Variants in EMCN observed in about 807,000 individuals in gnomAD.
EMCN encodes the protein endomucin.
A neutral mutation model predicts 38.4 loss-of-function variants in EMCN; 37 were observed. That is an observed-to-expected ratio of 0.96 (90% CI 0.74 to 1.27). The LOEUF is 1.27. Ranked by LOEUF, EMCN falls within the 50% of genes most tolerant of loss-of-function variation. The probability of loss-of-function intolerance (pLI) is 0.00; values close to 1 mark genes in which losing one functional copy is unlikely to be tolerated. For missense variants in EMCN, 318 were observed against 302.8 expected, an observed-to-expected ratio of 1.05 and a Z score of -0.37; for synonymous variants, 95 against 100.8, an observed-to-expected ratio of 0.94 and a Z score of 0.35.
At chr4:100,488,982 C>T (rs1054072178) in intron 1 of EMCN, among the ~76,000 whole-genome samples, 3 of 152,078 alleles carry the variant, frequency 2.0e-5, no homozygotes, top group African/African-American at 7.2e-5. Flanking sequence ...GCACATATAA[C>T]AATAATTACT....
In EMCN at chr4:100,406,350, A is replaced by AT. The variant is rs533327725; in HGVS notation, c.*39+3931dup. Among the ~76,000 whole-genome samples the AT allele has an allele frequency of 5.5e-3, 840 of 151,974 alleles. 7 individuals are homozygous for AT. Among genetic ancestry groups the AT allele is most frequent in the Non-Finnish European group, 9.3e-3 (632 of 67,900 alleles). ...AGATTGTCAATTTGAGATCTTTCTG[A>AT]TTTTTTGATGTGGGCATTTAGTGCT... On this transcript the variant is annotated intron_variant, in intron 11 of 11. Transcript: ENST00000296420.
intron 11 of EMCN, among the ~76,000 whole-genome samples, chr4:100,405,333 C>T (rs377473264): frequency 2.0e-5 from 3 of 151,876 alleles, no homozygotes; most frequent in African/African-American, 7.2e-5. Flanking sequence ...CCCATTCAGT[C>T]TGATGTTGGT....
intron 3 of EMCN, among the ~76,000 whole-genome samples, chr4:100,468,856 C>A (rs1728395614): frequency 6.6e-6 from 1 of 151,648 alleles, no homozygotes; most frequent in Non-Finnish European, 1.5e-5. Context: ...TATCAAAATT[C>A]ACATGTTATT....
chr4:100,475,274 T>A (rs1287499576), intron 2 of EMCN, among the ~76,000 whole-genome samples, 165 bp from the exon 3 acceptor site: 1 of 148,298 alleles, frequency 6.7e-6, no homozygotes, highest in African/African-American at 2.5e-5. Context: ...GTATATTAAA[T>A]ATATGTATAT....
In EMCN at chr4:100,410,329, T is replaced by C. The variant is rs767987594; in HGVS notation, c.778A>G (p.Lys260Glu). ...SGEHSAQGKT[K>E]N ...GAGAATTCCTCAAGCTGTCAGTTCT[T>C]GGTTTTTCCTTGTGCAGAGTGCTCA... Residue 260 changes from lysine (K) to glutamate (E), a missense_variant, in exon 11 of 12, where the codon AAG becomes GAG. Transcript: ENST00000296420. The C allele has an allele frequency of 8.1e-6, 13 of 1,613,884 alleles. No individual in the cohort carries two copies. The highest frequency in any genetic ancestry group is 1.1e-5 in the South Asian group (1 of 91,080).
At chr4:100,459,016 G>GA (rs144926152) in intron 4 of EMCN, among the ~76,000 whole-genome samples, 7,059 of 150,944 alleles carry the variant, frequency 0.047, 569 homozygotes, top group African/African-American at 0.16. Context: ...AAATCCACAT[G>GA]AAAAAAAAAT....
At chr4:100,512,134 C>A (rs1010402789) in intron 1 of EMCN, among the ~76,000 whole-genome samples, 20 of 152,140 alleles carry the variant, frequency 1.3e-4, no homozygotes, top group Admixed American at 8.5e-4. Context: ...CTGGAGTAAA[C>A]GTGGCCAGAG....
Position 100,423,076 on chromosome 4 carries a change from T to C in EMCN, c.513A>G (p.Ile171Met), listed in dbSNP as rs768342617. Residue 171 changes from isoleucine to methionine, a missense_variant, in exon 7 of 12, where the codon ATA (isoleucine) becomes ATG (methionine). Transcript: ENST00000296420. The part of the protein sequence containing the change: ...IPENTSQSQV[I>M]GTEGGKNAST... Reference sequence around the variant, plus strand: ...TTGCATTTTTTCCACCCTCAGTGCCTATTACTTTAAGAAAGAAAAAAACAA... The same window carrying C: ...TTGCATTTTTTCCACCCTCAGTGCCCATTACTTTAAGAAAGAAAAAAACAA... 2 of 1,612,952 alleles carry C rather than the reference T, an allele frequency of 1.2e-6. No individual in the cohort carries two copies. The highest frequency in any genetic ancestry group is 2.7e-5 in the African/African-American group (2 of 74,866).
chr4:100,517,033 A>G (rs1258837025), intron 1 of EMCN, among the ~76,000 whole-genome samples: 1 of 152,034 alleles, frequency 6.6e-6, no homozygotes, highest in African/African-American at 2.4e-5. Context: ...ACTTGTTTTT[A>G]TATTCCTTGC....
intron 3 of EMCN, among the ~76,000 whole-genome samples, chr4:100,472,919 TATAG>T (rs142505285): frequency 0.015 from 2,321 of 150,324 alleles, 55 homozygotes; most frequent in African/African-American, 0.052. Context: ...GGTTATGTTT[TATAG>T]ATAGATAGAT....
chr4:100,449,273 A>G (rs1727772616), intron 4 of EMCN, among the ~76,000 whole-genome samples: 1 of 152,132 alleles, frequency 6.6e-6, no homozygotes, highest in South Asian at 2.1e-4. Flanking sequence ...GATCAGTTTC[A>G]TATCTTATTA....
chr4:100,448,554 A>G (rs1384222191), intron 4 of EMCN, among the ~76,000 whole-genome samples: 1 of 152,112 alleles, frequency 6.6e-6, no homozygotes, highest in Non-Finnish European at 1.5e-5. Context: ...TTCAAAATGT[A>G]TTCCAAATTC....
Position 100,411,896 on chromosome 4 carries a change from A to T in EMCN, c.752-1541T>A, listed in dbSNP as rs568814972. ...ATTGACGGGCTGCGGACAGAAGAGG[A>T]TTCTATATATGGCTTTATAAATTTG... On this transcript the variant is annotated intron_variant, in intron 10 of 11. Transcript: ENST00000296420. Among the ~76,000 whole-genome samples, 4 of 152,182 alleles carry T rather than the reference A, an allele frequency of 2.6e-5. No individual in the cohort carries two copies. The East Asian group carries it at 7.7e-4, about 29-fold the overall frequency.
rs191052513 is a variant in EMCN at position 100,495,706 on chromosome 4, T to C, written c.65-15667A>G. ...GTGCTTTGTATAATTAAAATTTTGT[T>C]AGTTTAGAGTCATTACATAAAACAT... On this transcript the variant is annotated intron_variant, in intron 1 of 11. Transcript: ENST00000296420. 2.1e-3 allele frequency among the ~76,000 whole-genome samples: 313 copies of C among 152,206 alleles called. 1 individual carries two copies. The highest frequency in any genetic ancestry group is 3.1e-3 in the Non-Finnish European group (208 of 67,930).
chr4:100,430,752 G>A (rs1727173884), intron 5 of EMCN, among the ~76,000 whole-genome samples: 1 of 152,136 alleles, frequency 6.6e-6, no homozygotes, highest in African/African-American at 2.4e-5. Context: ...GCCATACCCA[G>A]AATCTGTACA....
intron 1 of EMCN, among the ~76,000 whole-genome samples, chr4:100,501,284 C>G (rs574054428): frequency 2.0e-4 from 30 of 152,222 alleles, no homozygotes; most frequent in African/African-American, 7.2e-4. Context: ...ATGGTACCAG[C>G]AGCATTTATT....
intron 5 of EMCN, among the ~76,000 whole-genome samples, chr4:100,429,722 A>ATAG (rs10688473): frequency 0.98 from 149,278 of 152,226 alleles, 73,207 homozygotes; most frequent in South Asian, 1. Context: ...TTTGATTAAA[A>ATAG]TAGTTTTTAC....
At chr4:100,462,191 G>T (rs1341620230) in intron 4 of EMCN, among the ~76,000 whole-genome samples, 4 of 152,094 alleles carry the variant, frequency 2.6e-5, no homozygotes, top group Non-Finnish European at 5.9e-5. Flanking sequence ...AATAACAAAA[G>T]CAATGGACAA....
chr4:100,404,664 T>G (rs2110205578), intron 11 of EMCN, among the ~76,000 whole-genome samples: 1 of 152,310 alleles, frequency 6.6e-6, no homozygotes, highest in Admixed American at 6.5e-5. Flanking sequence ...AGCTTTGTTC[T>G]TTTTGCTTAG....
Sources: gnomAD v4.1 joint callset for allele counts (sites outside exome capture counted in the v4.1 genomes callset) on GRCh38, gnomAD v4.1.1 for gene constraint, MANE v1.5 for transcripts, NCBI Gene and HGNC (gene_info 2026-07-23, HGNC 2026-07-21) for gene names.